The following EXOC4 variants were observed in gnomAD, a reference collection of about 807,000 sequenced individuals.
EXOC4 encodes the protein SEC8-like 1.
A neutral mutation model predicts 107.2 loss-of-function variants in EXOC4; 71 were observed. That is an observed-to-expected ratio of 0.66 (90% CI 0.55 to 0.81). The LOEUF (loss-of-function observed/expected upper bound fraction) is 0.81, where lower values mean the gene tolerates loss of function less well. Among genes scored for constraint, EXOC4 ranks in the 30% least tolerant of loss-of-function variants. The pLI, the probability that EXOC4 is intolerant of heterozygous loss-of-function variation, is 0.00. For missense variants in EXOC4, 1,108 were observed against 1,189.6 expected (o/e 0.93, Z 1.01); for synonymous variants, 456 against 441.2 (o/e 1.03, Z -0.42).
chr7:133,698,841 T>A, intron 10 of EXOC4, among the ~76,000 whole-genome samples: 1 of 152,200 alleles, frequency 6.6e-6, no homozygotes, highest in African/African-American at 2.4e-5. Flanking sequence ...TATTTGTGTA[T>A]GATGTGTGTC....
chr7:133,336,250 C>T (rs1463498148), intron 5 of EXOC4, among the ~76,000 whole-genome samples: 2 of 152,254 alleles, frequency 1.3e-5, no homozygotes, highest in East Asian at 3.9e-4. Context: ...TCCTGGAAAT[C>T]CTTGCCAAAT....
At chr7:133,837,579 G>A (rs925341203) in intron 11 of EXOC4, among the ~76,000 whole-genome samples, 42 of 152,268 alleles carry the variant, frequency 2.8e-4, no homozygotes, top group African/African-American at 9.6e-4. Flanking sequence ...CCAAAACAGG[G>A]TGTCTTTGGA....
At chr7:133,826,655 A>T (rs1222187776) in intron 11 of EXOC4, among the ~76,000 whole-genome samples, 1 of 152,170 alleles carries the variant, frequency 6.6e-6, no homozygotes, top group African/African-American at 2.4e-5. Flanking sequence ...CAGAAAAAAA[A>T]TCCAACAGTG....
intron 9 of EXOC4, among the ~76,000 whole-genome samples, chr7:133,528,140 C>T (rs969513470): frequency 9.9e-5 from 15 of 152,156 alleles, no homozygotes; most frequent in African/African-American, 2.9e-4. Context: ...ACCTGATAAT[C>T]TTTGGCTTAA....
intron 12 of EXOC4, among the ~76,000 whole-genome samples, chr7:133,899,833 C>T (rs1799411930): frequency 6.7e-6 from 1 of 150,212 alleles, no homozygotes; most frequent in Non-Finnish European, 1.5e-5. Flanking sequence ...GCAGCCTCTG[C>T]CTCCCGGGTT....
intron 10 of EXOC4, among the ~76,000 whole-genome samples, chr7:133,742,838 T>C (rs1261030386): frequency 6.6e-6 from 1 of 152,152 alleles, no homozygotes; most frequent in Non-Finnish European, 1.5e-5. Context: ...GAAGTTCTAA[T>C]AGAATATGTG....
At chr7:133,884,468 T>C (rs1799034604) in intron 11 of EXOC4, among the ~76,000 whole-genome samples, 1 of 152,122 alleles carries the variant, frequency 6.6e-6, no homozygotes, top group Non-Finnish European at 1.5e-5. Context: ...AATCTCCAGG[T>C]TAGCCACTCC....
At chr7:133,981,598 T>A in intron 14 of EXOC4, among the ~76,000 whole-genome samples, 1 of 151,148 alleles carries the variant, frequency 6.6e-6, no homozygotes, top group East Asian at 2.0e-4. Flanking sequence ...GTCAGAAAAA[T>A]AACAAATGCT....
intron 17 of EXOC4, among the ~76,000 whole-genome samples, chr7:134,030,675 T>G (rs1043775204): frequency 4.0e-5 from 1 of 24,770 alleles, no homozygotes; most frequent in Non-Finnish European, 9.2e-5. Flanking sequence ...GCACCCCCCC[T>G]CTGCCCCCCC....
chr7:133,467,415 A>G (rs1267095538), intron 7 of EXOC4, among the ~76,000 whole-genome samples: 3 of 151,864 alleles, frequency 2.0e-5, no homozygotes, highest in Non-Finnish European at 4.4e-5. Flanking sequence ...GATTTTCCTG[A>G]TCATTCATTT....
chr7:133,656,237 G>T (rs1803291636), intron 10 of EXOC4, among the ~76,000 whole-genome samples: 1 of 152,132 alleles, frequency 6.6e-6, no homozygotes, highest in Non-Finnish European at 1.5e-5. Flanking sequence ...AGCTTTAGTG[G>T]CAAAGATATC....
intron 10 of EXOC4, among the ~76,000 whole-genome samples, chr7:133,753,090 G>C (rs557451612): frequency 6.6e-6 from 1 of 152,010 alleles, no homozygotes; most frequent in South Asian, 2.1e-4. Flanking sequence ...ATTTTTCTTC[G>C]TCATATTGAC....
chr7:133,626,933 TC>T (rs1332220864), intron 9 of EXOC4, among the ~76,000 whole-genome samples: 1 of 152,196 alleles, frequency 6.6e-6, no homozygotes, highest in Non-Finnish European at 1.5e-5. Context: ...TTACATTGAT[TC>T]GGGTTTTGAC....
At chr7:133,402,135 C>A (rs1439441580) in intron 7 of EXOC4, among the ~76,000 whole-genome samples, 1 of 152,132 alleles carries the variant, frequency 6.6e-6, no homozygotes, top group African/African-American at 2.4e-5. Context: ...TGAAAATTTT[C>A]TTGCGGAAAG....
the EXOC4 span, among the ~76,000 whole-genome samples, chr7:134,076,653 CA>C: frequency 1.3e-5 from 2 of 150,268 alleles, no homozygotes; most frequent in African/African-American, 4.9e-5. Context: ...AACATATAAA[CA>C]AAAAATATAT....
At chr7:133,655,666 C>T (rs1339341107) in intron 10 of EXOC4, among the ~76,000 whole-genome samples, 1 of 152,202 alleles carries the variant, frequency 6.6e-6, no homozygotes, top group Non-Finnish European at 1.5e-5. Context: ...TCCACCTCCA[C>T]ATCTTGTCCC....
rs113788531 is a variant in EXOC4, at chr7:133,929,664, G to C, written c.2028-8227G>C. Among the ~76,000 whole-genome samples, 165 of 152,108 alleles carry C rather than the reference G, an allele frequency of 1.1e-3. 1 individual carries two copies. Among genetic ancestry groups the C allele is most frequent in the African/African-American group, 3.7e-3 (153 of 41,494 alleles). ...GGGGATTTAGCCTACAGAATATTTTGTCACCCAGTTAAGAAACATAGTACC... is the reference window on the plus strand; with the variant it reads ...GGGGATTTAGCCTACAGAATATTTTCTCACCCAGTTAAGAAACATAGTACC... On this transcript the variant is annotated intron_variant, in intron 13 of 17. Transcript: ENST00000253861.
chr7:133,581,737 G>A (rs1395647423), intron 9 of EXOC4, among the ~76,000 whole-genome samples: 3 of 123,280 alleles, frequency 2.4e-5, no homozygotes, highest in Non-Finnish European at 4.9e-5. Flanking sequence ...CAGCTTGGGC[G>A]AAAGAGTGAG....
chr7:133,869,018 C>T (rs937715164), intron 11 of EXOC4, among the ~76,000 whole-genome samples: 5 of 151,730 alleles, frequency 3.3e-5, no homozygotes, highest in East Asian at 3.9e-4. Context: ...CACCCGCCCC[C>T]GCCCTTCTTT....
Sources: allele counts gnomAD v4.1 joint callset (sites outside exome capture counted in the v4.1 genomes callset), GRCh38; gene constraint gnomAD v4.1.1; transcripts MANE v1.5; gene names NCBI Gene and HGNC (gene_info 2026-07-23, HGNC 2026-07-21).